Variants in CDYL observed in about 807,000 individuals in gnomAD.
The protein encoded by CDYL is chromodomain Y-like protein.
CDYL carries 8 observed loss-of-function variants against 47.3 expected under a neutral mutation model. The ratio of observed to expected loss-of-function variants is 0.17; its 90% CI spans 0.10 to 0.31. The LOEUF (loss-of-function observed/expected upper bound fraction) is 0.31, where lower values mean the gene tolerates loss of function less well. CDYL is among the 10% of genes least tolerant of loss of function. The pLI is 1.00. For synonymous variants in CDYL, 266 were observed against 265.0 expected, an observed-to-expected ratio of 1.00 and a Z score of -0.04; for missense variants, 471 against 701.4, an observed-to-expected ratio of 0.67 and a Z score of 3.71.
chr6:4,859,762 C>A (rs1315489099), intron 1 of CDYL, among the ~76,000 whole-genome samples: 2 of 152,172 alleles, frequency 1.3e-5, no homozygotes, highest in African/African-American at 4.8e-5. Flanking sequence ...CACCAGCTCT[C>A]CTGGCTCCCT....
intron 2 of CDYL, among the ~76,000 whole-genome samples, chr6:4,898,185 A>G (rs974535386): frequency 1.1e-4 from 17 of 151,664 alleles, no homozygotes; most frequent in African/African-American, 3.9e-4. Flanking sequence ...TTGCACCACT[A>G]CACTCCAGCC....
intron 1 of CDYL, among the ~76,000 whole-genome samples, chr6:4,868,011 G>A (rs1033579818): frequency 1.5e-4 from 23 of 151,690 alleles, no homozygotes; most frequent in Admixed American, 1.3e-3. Flanking sequence ...TTTTTGGGTG[G>A]AAGATCATTC....
chr6:4,878,459 A>G (rs1358278033), intron 1 of CDYL, among the ~76,000 whole-genome samples: 2 of 151,886 alleles, frequency 1.3e-5, no homozygotes, highest in Admixed American at 6.6e-5. Context: ...ACAATTTTAT[A>G]TGTGTAAAAT....
intron 1 of CDYL, among the ~76,000 whole-genome samples, chr6:4,712,333 G>A (rs1757165903): frequency 1.3e-5 from 2 of 152,170 alleles, no homozygotes; most frequent in African/African-American, 4.8e-5. Flanking sequence ...GAGGTGCAGA[G>A]ATACTAGGAA....
chr6:4,900,819 A>ATATC (rs1561697693), intron 2 of CDYL, among the ~76,000 whole-genome samples: 6 of 85,134 alleles, frequency 7.0e-5, no homozygotes, highest in African/African-American at 2.4e-4. Context: ...ATATATATAT[A>ATATC]TATATATATA....
chr6:4,885,285 T>A (rs1041608764), intron 1 of CDYL, among the ~76,000 whole-genome samples: 16 of 152,224 alleles, frequency 1.1e-4, no homozygotes, highest in Admixed American at 5.2e-4. Flanking sequence ...TGAGCTACTG[T>A]GCCCAGCCAA....
At chr6:4,782,957 TAGTC>T (rs931943087) in intron 1 of CDYL, among the ~76,000 whole-genome samples, 2 of 152,260 alleles carry the variant, frequency 1.3e-5, no homozygotes, top group African/African-American at 2.4e-5. Context: ...TGTCTAAAGA[TAGTC>T]AGTATTTAAT....
At chr6:4,925,741 G>C (rs1757854505) in intron 2 of CDYL, among the ~76,000 whole-genome samples, 2 of 152,150 alleles carry the variant, frequency 1.3e-5, no homozygotes, top group African/African-American at 4.8e-5. Context: ...TGGATGAGTA[G>C]GTGAGAGTGG....
intron 1 of CDYL, among the ~76,000 whole-genome samples, chr6:4,854,144 GGCT>G (rs112968385): frequency 0.022 from 3,296 of 152,262 alleles, 126 homozygotes; most frequent in African/African-American, 0.075. Context: ...CATCTTCGTA[GGCT>G]GCTAGTTCTT....
intron 1 of CDYL, among the ~76,000 whole-genome samples, chr6:4,784,663 G>C (rs564929072): frequency 1.2e-4 from 18 of 152,264 alleles, no homozygotes; most frequent in African/African-American, 4.3e-4. Context: ...TTACGATGGT[G>C]GTCCCGTAAG....
At chr6:4,942,884 T>C (rs911685056) in intron 4 of CDYL, among the ~76,000 whole-genome samples, 4 of 152,338 alleles carry the variant, frequency 2.6e-5, no homozygotes, top group African/African-American at 7.2e-5. Context: ...GGTACAGGCC[T>C]GAGCCCTGTG....
In CDYL at chr6:4,902,275, G is replaced by A. The variant is rs538017244; in HGVS notation, c.691+9896G>A. Among the ~76,000 whole-genome samples, 78 of 151,838 alleles carry A rather than the reference G, an allele frequency of 5.1e-4. 1 individual carries two copies. The East Asian group carries it at 0.011, about 22-fold the overall frequency. On this transcript the variant is annotated intron_variant, in intron 2 of 6. Coordinates refer to ENST00000397588, the MANE Select transcript of CDYL (RefSeq NM_004824.4). ...TACAAAATTAGCCGGGCGTGGTGGCGCATGCCTGTAAACCCAGCTACTCGG... is the reference window on the plus strand; with the variant it reads ...TACAAAATTAGCCGGGCGTGGTGGCACATGCCTGTAAACCCAGCTACTCGG...
intron 1 of CDYL, among the ~76,000 whole-genome samples, chr6:4,784,819 T>C (rs1055180129): frequency 6.6e-6 from 1 of 152,170 alleles, no homozygotes; most frequent in African/African-American, 2.4e-5. Flanking sequence ...TGGGAGGTAG[T>C]TGAATCGTGG....
chr6:4,802,966 G>A (rs951233392), intron 1 of CDYL, among the ~76,000 whole-genome samples: 1 of 151,994 alleles, frequency 6.6e-6, no homozygotes, highest in Non-Finnish European at 1.5e-5. Context: ...CATCCATCTG[G>A]GCTAGACCTT....
At chr6:4,804,604 A>T (rs1195382838) in intron 1 of CDYL, among the ~76,000 whole-genome samples, 2 of 152,060 alleles carry the variant, frequency 1.3e-5, no homozygotes, top group Non-Finnish European at 2.9e-5. Context: ...CTCTCGCCCC[A>T]CTGCTGTAAA....
At chr6:4,808,784 A>T (rs571442005) in intron 1 of CDYL, among the ~76,000 whole-genome samples, 1 of 152,210 alleles carries the variant, frequency 6.6e-6, no homozygotes, top group African/African-American at 2.4e-5. Context: ...ATGGTGTCCC[A>T]GTCAAAATAC....
intron 1 of CDYL, among the ~76,000 whole-genome samples, chr6:4,854,486 C>T (rs74627972): frequency 0.022 from 3,324 of 152,272 alleles, 131 homozygotes; most frequent in African/African-American, 0.076. Context: ...GTGGTGGAGG[C>T]GCTTGGTCAC....
chr6:4,735,211 G>A (rs11753484), intron 3 of CDYL, among the ~76,000 whole-genome samples: 42,944 of 151,726 alleles, frequency 0.28, 6,201 homozygotes, highest in African/African-American at 0.33. Flanking sequence ...GCTTGAACCC[G>A]GGAGATGGAG....
chr6:4,784,669 G>C (rs931144505), intron 1 of CDYL, among the ~76,000 whole-genome samples: 1 of 152,110 alleles, frequency 6.6e-6, no homozygotes, highest in African/African-American at 2.4e-5. Flanking sequence ...TGGTGGTCCC[G>C]TAAGATTATA....
Sources: gnomAD v4.1 joint callset for allele counts (sites outside exome capture counted in the v4.1 genomes callset) on GRCh38, gnomAD v4.1.1 for gene constraint, MANE v1.5 for transcripts, NCBI Gene and HGNC (gene_info 2026-07-23, HGNC 2026-07-21) for gene names.